Variants in CTTN observed in about 807,000 individuals in gnomAD.
CTTN encodes the protein cortactin.
Under a neutral mutation model 84.0 loss-of-function variants are expected in CTTN, and 28 were observed. That is an observed-to-expected ratio of 0.33 (90% confidence interval 0.25 to 0.46). CTTN has a LOEUF of 0.46. Among genes scored for constraint, CTTN ranks in the 20% least tolerant of loss-of-function variants. CTTN has a pLI of 1.00. For missense variants in CTTN, 641 were observed against 723.8 expected (o/e 0.89, Z 1.31); for synonymous variants, 301 against 288.8 (o/e 1.04, Z -0.43).
intron 1 of CTTN, among the ~76,000 whole-genome samples, chr11:70,402,070 T>G (rs1285943909): frequency 6.6e-6 from 1 of 151,682 alleles, no homozygotes; most frequent in Non-Finnish European, 1.5e-5. Flanking sequence ...GGAAAATCAC[T>G]TGAACCTGGG....
rs1279515632 is a variant in CTTN at position 70,407,604 on chromosome 11, G to A, written c.161+13G>A. 3.7e-6 allele frequency: 6 copies of A among 1,612,142 alleles called. No individual in the cohort carries two copies. The highest frequency in any genetic ancestry group is 2.2e-5 in the East Asian group (1 of 44,880). Reference sequence around the variant, plus strand: ...AGGAGCATATCAAGTAAGAGGCGTCGCCACCACCCTCCCGAGGGCCCCTCT... The same window carrying A: ...AGGAGCATATCAAGTAAGAGGCGTCACCACCACCCTCCCGAGGGCCCCTCT... On this transcript the variant is annotated intron_variant, in intron 4 of 17. Transcript: ENST00000301843.
intron 8 of CTTN, 85 bp from the exon 9 acceptor site, chr11:70,419,661 G>GT: frequency 8.7e-7 from 1 of 1,154,768 alleles, no homozygotes; most frequent in Non-Finnish European, 1.3e-6. Flanking sequence ...AAAGATTTTT[G>GT]TTTTTTTAAT....
At chr11:70,414,499 GTGT>G (rs941520694) in intron 5 of CTTN, 40 bp from the exon 6 acceptor site, 5 of 1,420,826 alleles carry the variant, frequency 3.5e-6, no homozygotes, top group Admixed American at 3.4e-5. Context: ...AAGCGCCGCA[GTGT>G]TGTTGGTGTC....
At chr11:70,419,616 T>C (rs2058204943) in intron 8 of CTTN, 130 bp from the exon 9 acceptor site, 1 of 687,410 alleles carries the variant, frequency 1.5e-6, no homozygotes, top group East Asian at 2.7e-5. Flanking sequence ...CTTTAAATAC[T>C]GTCTGTATTA....
Position 70,435,763 on chromosome 11 carries a change from C to G in CTTN, c.*601C>G, listed in dbSNP as rs756078282. 4 of 1,595,740 alleles carry G rather than the reference C, an allele frequency of 2.5e-6. No individual in the cohort carries two copies. The highest frequency in any genetic ancestry group is 2.7e-5 in the African/African-American group (2 of 74,838). On this transcript the variant is annotated 3_prime_UTR_variant, in exon 18 of 18. Coordinates refer to ENST00000301843, the MANE Select transcript of CTTN (RefSeq NM_005231.4). Reference sequence around the variant, plus strand: ...GGATCAGGTGACTTCTAGCAGAGACCCTGGTTTTTTTCCTGTGCCCACTCC... The same window carrying G: ...GGATCAGGTGACTTCTAGCAGAGACGCTGGTTTTTTTCCTGTGCCCACTCC...
chr11:70,411,618 A>G (rs2058097391), intron 5 of CTTN, among the ~76,000 whole-genome samples: 1 of 152,182 alleles, frequency 6.6e-6, no homozygotes, highest in Non-Finnish European at 1.5e-5. Context: ...CATATTGGGG[A>G]AAAGAAAGGC....
intron 5 of CTTN, among the ~76,000 whole-genome samples, chr11:70,411,941 C>T (rs887350323): frequency 3.2e-4 from 48 of 152,206 alleles, no homozygotes; most frequent in African/African-American, 1.1e-3. Context: ...CACGTGCCCC[C>T]CCCTTAGGCC....
Position 70,429,087 on chromosome 11 carries a change from A to G in CTTN, c.1064A>G (p.Glu355Gly), listed in dbSNP as rs1276722586. The change falls in exon 14 of 18, where the codon GAA becomes GGA. Residue 355 changes from glutamate (E) to glycine (G), a missense_variant. Transcript: ENST00000301843. ...SKTSNIRANF[E>G]NLAKEKEQED... ...ACAAGTAACATCAGAGCTAACTTTG[A>G]AAACCTCGCTAAGGAGAAAGAGCAG... 6.2e-7 allele frequency: 1 copy of G among 1,614,116 alleles called. No homozygotes were observed. The highest frequency in any genetic ancestry group is 8.5e-7 in the Non-Finnish European group (1 of 1,180,054).
At chr11:70,412,779 A>G (rs946344434) in intron 5 of CTTN, among the ~76,000 whole-genome samples, 1 of 152,090 alleles carries the variant, frequency 6.6e-6, no homozygotes, top group African/African-American at 2.4e-5. Context: ...TCAAGATACA[A>G]TCTCCCCAGC....
chr11:70,429,434 G>A (rs1215329618), intron 14 of CTTN, among the ~76,000 whole-genome samples: 3 of 152,170 alleles, frequency 2.0e-5, no homozygotes, highest in Non-Finnish European at 4.4e-5. Flanking sequence ...TGGTCTTGCC[G>A]GTCCAGCCCC....
chr11:70,425,324 C>T lies in CTTN; in HGVS notation c.958-8C>T. 6.2e-7 allele frequency: 1 copy of T among 1,610,408 alleles called. No individual in the cohort carries two copies. The highest frequency in any genetic ancestry group is 8.5e-7 in the Non-Finnish European group (1 of 1,178,188). Reference sequence around the variant, plus strand: ...TGCTCTCCTGACGCCCATGTCCTGTCTCTGCAGAATGCGTCAACCTTTGAG... The same window carrying T: ...TGCTCTCCTGACGCCCATGTCCTGTTTCTGCAGAATGCGTCAACCTTTGAG... On this transcript the variant is annotated splice_polypyrimidine_tract_variant and splice_region_variant and intron_variant, in intron 12 of 17. Coordinates refer to ENST00000301843, the MANE Select transcript of CTTN (RefSeq NM_005231.4).
rs548090534 is a variant in CTTN at position 70,428,033 on chromosome 11, C to T, written c.1028-1018C>T. 7.2e-5 allele frequency among the ~76,000 whole-genome samples: 11 copies of T among 152,010 alleles called. 1 individual carries two copies. In the South Asian group the frequency reaches 1.5e-3, roughly 20 times the overall value. ...TGTCAGTTGTTATTTCAGGGAAAAA[C>T]GCTATTCCATGAGAAAACAGTCAAC... On this transcript the variant is annotated intron_variant, in intron 13 of 17. Coordinates refer to ENST00000301843, the MANE Select transcript of CTTN (RefSeq NM_005231.4).
intron 4 of CTTN, 178 bp downstream of exon 4, chr11:70,407,769 ATG>A (rs2058059676): frequency 1.7e-6 from 1 of 595,828 alleles, no homozygotes; most frequent in Admixed American, 3.2e-5. Context: ...TATTTGTGTA[ATG>A]TGTGTGTTTA....
At chr11:70,434,559 A>G (rs981327194) in intron 17 of CTTN, among the ~76,000 whole-genome samples, 2 of 152,252 alleles carry the variant, frequency 1.3e-5, no homozygotes, top group African/African-American at 4.8e-5. Context: ...TGTCTGTGGC[A>G]TCTCGGCACC....
intron 4 of CTTN, 32 bp from the exon 5 acceptor site, chr11:70,409,799 G>C (rs1161472527): frequency 6.2e-7 from 1 of 1,610,406 alleles, no homozygotes; most frequent in South Asian, 1.1e-5. Flanking sequence ...CTGTTTTATT[G>C]ATCTGTTCCT....
intron 15 of CTTN, among the ~76,000 whole-genome samples, chr11:70,432,892 A>G (rs2058370384): frequency 6.6e-6 from 1 of 152,202 alleles, no homozygotes; most frequent in Admixed American, 6.5e-5. Context: ...GGACCGGGTC[A>G]TCATCGGGAA....
Position 70,411,111 on chromosome 11 carries a change from TA to T in CTTN, c.291+1158del, listed in dbSNP as rs372202500. Among the ~76,000 whole-genome samples the T allele has an allele frequency of 2.9e-3, 434 of 151,964 alleles. 8 individuals are homozygous for T. The highest frequency in any genetic ancestry group is 0.01 in the African/African-American group (416 of 41,326). On this transcript the variant is annotated intron_variant, in intron 5 of 17. Transcript: ENST00000301843. ...GTGCAGAATCATCATCTTTGGAGTC[TA>T]AAAAAAGTCTGGTAGCTTTTAGGAG...
chr11:70,433,030 G>A, intron 15 of CTTN, 71 bp from the exon 16 acceptor site: 2 of 1,480,338 alleles, frequency 1.4e-6, no homozygotes, highest in Non-Finnish European at 9.2e-7. Context: ...TCTGCTGGCT[G>A]TGGCAGTACA....
In CTTN at chr11:70,436,475, C is replaced by A; in HGVS notation, c.*1313C>A. The A allele has an allele frequency of 7.0e-7, 1 of 1,434,110 alleles. No individual in the cohort carries two copies. The highest frequency in any genetic ancestry group is 1.2e-5 in the South Asian group (1 of 84,638). The allele number at this position is 1,434,110 out of a possible 1,614,324, so 88.8% of individuals were successfully genotyped here. ...GCTTTACCACAATGAGCAATGAGGTCGGGTTTTATATGCAACTTATTGTAT... is the reference window on the plus strand; with the variant it reads ...GCTTTACCACAATGAGCAATGAGGTAGGGTTTTATATGCAACTTATTGTAT... On this transcript the variant is annotated 3_prime_UTR_variant, in exon 18 of 18. Coordinates refer to ENST00000301843, the MANE Select transcript of CTTN (RefSeq NM_005231.4).
Sources: gnomAD v4.1 joint callset for allele counts (sites outside exome capture counted in the v4.1 genomes callset) on GRCh38, gnomAD v4.1.1 for gene constraint, MANE v1.5 for transcripts, NCBI Gene and HGNC (gene_info 2026-07-23, HGNC 2026-07-21) for gene names.